Variants in SLC35F4 observed in about 807,000 individuals in gnomAD.
SLC35F4 encodes the protein solute carrier family 35 member F4, also known as chromosome 14 open reading frame 36.
A neutral mutation model predicts 44.2 loss-of-function variants in SLC35F4; 24 were observed. The ratio of observed to expected loss-of-function variants is 0.54; its 90% CI spans 0.39 to 0.76. SLC35F4 has a LOEUF of 0.76. SLC35F4 is among the 30% of genes least tolerant of loss of function. The probability of loss-of-function intolerance (pLI) is 0.00; values close to 1 mark genes in which losing one functional copy is unlikely to be tolerated. For missense variants in SLC35F4, 562 were observed against 586.1 expected (o/e 0.96, Z 0.42); for synonymous variants, 238 against 223.6 (o/e 1.06, Z -0.57).
At chr14:57,725,749 A>C (rs1415986680) in intron 1 of SLC35F4, among the ~76,000 whole-genome samples, 2 of 152,164 alleles carry the variant, frequency 1.3e-5, no homozygotes, top group Admixed American at 6.6e-5. Context: ...GGCTGGGGCA[A>C]AGTTCTCCAG....
In SLC35F4 at chr14:57,569,513, G is replaced by A. The variant is rs150811280; in HGVS notation, c.1126+275C>T. On this transcript the variant is annotated intron_variant, in intron 6 of 7. Transcript: ENST00000556826. ...CAGTGTATTAGAAAGAATGAATGAG[G>A]CTGAAGAAGAATGGATTGAAGGCCA... Among the ~76,000 whole-genome samples the A allele has an allele frequency of 2.5e-3, 385 of 152,288 alleles. 3 individuals carry two copies. Among genetic ancestry groups the A allele is most frequent in the African/African-American group, 8.9e-3 (371 of 41,554 alleles).
chr14:57,916,978 T>G (rs958630566), intron 1 of SLC35F4, among the ~76,000 whole-genome samples: 5 of 152,202 alleles, frequency 3.3e-5, no homozygotes, highest in African/African-American at 1.2e-4. Flanking sequence ...ATTATTACTT[T>G]TTTATTCTTC....
intron 1 of SLC35F4, among the ~76,000 whole-genome samples, chr14:57,688,681 A>T (rs569436963): frequency 6.6e-6 from 1 of 152,146 alleles, no homozygotes; most frequent in African/African-American, 2.4e-5. Flanking sequence ...GGTGAGAACA[A>T]TTCTATCTAG....
At chr14:57,592,947 G>C (rs2070280483) in intron 2 of SLC35F4, among the ~76,000 whole-genome samples, 1 of 152,064 alleles carries the variant, frequency 6.6e-6, no homozygotes, top group African/African-American at 2.4e-5. Flanking sequence ...TTAGTATGTT[G>C]CCAGCCAAGC....
At chr14:57,571,774 A>G (rs902801803) in intron 5 of SLC35F4, 120 bp downstream of exon 5, 2 of 1,345,094 alleles carry the variant, frequency 1.5e-6, no homozygotes, top group Non-Finnish European at 2.0e-6. Flanking sequence ...TAATTTACTT[A>G]CTATTATTTC....
At chr14:57,890,859 A>G (rs972922236) in intron 1 of SLC35F4, among the ~76,000 whole-genome samples, 1 of 152,258 alleles carries the variant, frequency 6.6e-6, no homozygotes, top group African/African-American at 2.4e-5. Flanking sequence ...AGATTTGAAT[A>G]TAAAACATAT....
intron 1 of SLC35F4, among the ~76,000 whole-genome samples, chr14:57,849,619 A>G (rs554857642): frequency 6.6e-6 from 1 of 152,350 alleles, no homozygotes; most frequent in African/African-American, 2.4e-5. Context: ...TAAGAGAAAT[A>G]TTCAGAAAAC....
At chr14:57,983,134 A>T (rs1396190842), upstream of SLC35F4, among the ~76,000 whole-genome samples, 1 of 152,256 alleles carries the variant, frequency 6.6e-6, no homozygotes, top group African/African-American at 2.4e-5. Flanking sequence ...AGAAAAGTTT[A>T]CTGCAAGGCT....
At chr14:57,650,728 C>T (rs937128168) in intron 1 of SLC35F4, among the ~76,000 whole-genome samples, 1 of 152,162 alleles carries the variant, frequency 6.6e-6, no homozygotes, top group Non-Finnish European at 1.5e-5. Context: ...CAGACTCTTT[C>T]CTTAGGCTTA....
intron 1 of SLC35F4, among the ~76,000 whole-genome samples, chr14:57,961,979 G>C (rs73304499): frequency 1.2e-3 from 181 of 152,202 alleles, no homozygotes; most frequent in African/African-American, 4.2e-3. Context: ...CCTGGAGCAG[G>C]GTACATGCCC....
chr14:57,755,136 G>A (rs191156916), intron 1 of SLC35F4, among the ~76,000 whole-genome samples: 25 of 152,284 alleles, frequency 1.6e-4, no homozygotes, highest in Admixed American at 1.3e-3. Context: ...GGAGCAGACT[G>A]GAAAGCCTTC....
At chr14:57,727,303 T>A (rs567797350) in intron 1 of SLC35F4, among the ~76,000 whole-genome samples, 2 of 152,100 alleles carry the variant, frequency 1.3e-5, no homozygotes, top group South Asian at 2.1e-4. Flanking sequence ...ATATTCTCTA[T>A]TTTTTGTTAG....
chr14:57,690,337 AGC>A (rs1430252843), intron 1 of SLC35F4, among the ~76,000 whole-genome samples: 2 of 152,202 alleles, frequency 1.3e-5, no homozygotes, highest in Non-Finnish European at 2.9e-5. Context: ...TTAATAAATA[AGC>A]AAAAAGAGCA....
chr14:57,769,888 C>A (rs530127236), intron 1 of SLC35F4, among the ~76,000 whole-genome samples: 1 of 152,250 alleles, frequency 6.6e-6, no homozygotes, highest in East Asian at 1.9e-4. Context: ...TTTTTCACAG[C>A]CTGAGGGTGA....
intron 1 of SLC35F4, among the ~76,000 whole-genome samples, chr14:57,927,418 TTGTC>T (rs961339113): frequency 1.3e-5 from 2 of 152,084 alleles, no homozygotes; most frequent in Non-Finnish European, 2.9e-5. Context: ...CTGGTTACCT[TTGTC>T]TGGAAAACTT....
chr14:57,824,984 G>C lies in SLC35F4; in HGVS notation c.103+40739C>G, dbSNP rs147417986. ...GAGTCAAGGGCAGAAGGAGGAAAAA[G>C]AGTCAAGAGGGTACAGCAATATTTC... is the stretch of plus-strand genomic sequence containing the variant. On this transcript the variant is annotated intron_variant, in intron 1 of 7. Coordinates refer to ENST00000556826, the MANE Select transcript of SLC35F4 (RefSeq NM_001306087.2). 1.7e-3 allele frequency among the ~76,000 whole-genome samples: 260 copies of C among 152,236 alleles called. 1 individual carries two copies. The highest frequency in any genetic ancestry group is 3.2e-3 in the Non-Finnish European group (220 of 68,014).
chr14:57,730,444 CT>C (rs1215243800), intron 1 of SLC35F4, among the ~76,000 whole-genome samples: 1 of 151,544 alleles, frequency 6.6e-6, no homozygotes, highest in African/African-American at 2.4e-5. Context: ...TGTAGATCTT[CT>C]TTTGAAAATT....
intron 1 of SLC35F4, among the ~76,000 whole-genome samples, chr14:57,625,150 A>G (rs2072410206): frequency 6.6e-6 from 1 of 152,202 alleles, no homozygotes; most frequent in African/African-American, 2.4e-5. Flanking sequence ...AAGCATTCCT[A>G]TACACCAAGA....
chr14:57,798,633 C>A (rs958253514), intron 1 of SLC35F4, among the ~76,000 whole-genome samples: 2 of 152,198 alleles, frequency 1.3e-5, no homozygotes, highest in African/African-American at 4.8e-5. Flanking sequence ...GCTGAAGAGA[C>A]AATGTTTCAG....
Sources: allele counts gnomAD v4.1 joint callset (sites outside exome capture counted in the v4.1 genomes callset), GRCh38; gene constraint gnomAD v4.1.1; transcripts MANE v1.5; gene names NCBI Gene and HGNC (gene_info 2026-07-23, HGNC 2026-07-21).